Variants in MED18 observed in about 807,000 individuals in gnomAD.
MED18 encodes the protein mediator of RNA polymerase II transcription subunit 18.
MED18 carries 10 observed loss-of-function variants against 13.9 expected under a neutral mutation model. That is an observed-to-expected ratio of 0.72 (90% CI 0.44 to 1.22). The LOEUF (loss-of-function observed/expected upper bound fraction) is 1.22. MED18 is among the 50% of genes most tolerant of loss of function. The probability of loss-of-function intolerance (pLI) is 0.00; values close to 1 mark genes in which losing one functional copy is unlikely to be tolerated. For missense variants in MED18, 216 were observed against 279.0 expected (o/e 0.77, Z 1.61); for synonymous variants, 88 against 93.2 (o/e 0.94, Z 0.32).
At position 28,331,119 on chromosome 1, in the gene MED18, G is replaced by C. The variant is rs1409356214; in HGVS notation, c.73+384G>C. Among the ~76,000 whole-genome samples, 3 of 151,488 alleles carry C rather than the reference G, an allele frequency of 2.0e-5. No homozygotes were observed. In the East Asian group the frequency reaches 5.9e-4, roughly 30 times the overall value. On this transcript the variant is annotated intron_variant, in intron 2 of 2. Coordinates refer to ENST00000373842, the MANE Select transcript of MED18 (RefSeq NM_017638.3). ...TGAGGCAGGAGAATGGTGTGAACCT[G>C]GGAGGCAGAGGTTGCAGTGAGCCGA... is the stretch of plus-strand genomic sequence containing the variant.
At chr1:28,330,863 TTTAAA>T (rs1569634571) in intron 2 of MED18, 128 bp downstream of exon 2, 2 of 646,672 alleles carry the variant, frequency 3.1e-6, no homozygotes, top group African/African-American at 1.9e-5. Context: ...TAACTGTTAC[TTTAAA>T]TTATAGTTTT....
At chr1:28,330,556 C>T (rs1649685164) in intron 1 of MED18, 41 bp from the exon 2 acceptor site, 1 of 782,382 alleles carries the variant, frequency 1.3e-6, no homozygotes, top group African/African-American at 1.8e-5. Flanking sequence ...TCTGGTCTCT[C>T]TCCACCACTT....
At chr1:28,329,896 T>A (rs1005171444) in intron 1 of MED18, among the ~76,000 whole-genome samples, 3 of 152,208 alleles carry the variant, frequency 2.0e-5, no homozygotes, top group African/African-American at 4.8e-5. Context: ...GAAGGTCCCT[T>A]AAGTCACTTT....
At chr1:28,333,422 C>T (rs1176123147) in intron 2 of MED18, among the ~76,000 whole-genome samples, 2 of 152,146 alleles carry the variant, frequency 1.3e-5, no homozygotes, top group African/African-American at 4.8e-5. Context: ...AAAGTTGTGT[C>T]TCAGAGGCCA....
In MED18 at chr1:28,334,542, C is replaced by A; in HGVS notation, c.199C>A (p.Pro67Thr). Residue 67 changes from proline (P) to threonine (T), a missense_variant, in exon 3 of 3, where the codon CCA (proline) becomes ACA (threonine). Pro to Thr is a conservative substitution (Grantham distance 38). Coordinates refer to ENST00000373842, the MANE Select transcript of MED18 (RefSeq NM_017638.3). ...CCTCCTTAAGGGCCAGCAAGCCAGC[C>A]CATTTGTTCTCAGGGCCCGACGCTC... ...VFLLKGQQAS[P>T]FVLRARRSMD... 2 of 1,614,142 alleles carry A rather than the reference C, an allele frequency of 1.2e-6. No individual in the cohort carries two copies. Among genetic ancestry groups the A allele is most frequent in the Non-Finnish European group, 1.7e-6 (2 of 1,180,018 alleles).
chr1:28,330,299 A>C, intron 1 of MED18: 1 of 168,298 alleles, frequency 5.9e-6, no homozygotes, highest in Non-Finnish European at 1.3e-5. Flanking sequence ...AAAAAAAATC[A>C]CTGGCCTCAT....
chr1:28,333,628 G>A (rs1003347317), intron 2 of MED18, among the ~76,000 whole-genome samples: 1 of 152,164 alleles, frequency 6.6e-6, no homozygotes, highest in Non-Finnish European at 1.5e-5. Flanking sequence ...TTGGGAGGCT[G>A]AGGCAGGCGG....
chr1:28,333,232 C>A (rs1420528531), intron 2 of MED18, among the ~76,000 whole-genome samples: 1 of 152,098 alleles, frequency 6.6e-6, no homozygotes, highest in Admixed American at 6.6e-5. Flanking sequence ...ACGTGGGAGT[C>A]CTCAGGGCCT....
chr1:28,331,920 T>C (rs1649750061), intron 2 of MED18, among the ~76,000 whole-genome samples: 1 of 152,110 alleles, frequency 6.6e-6, no homozygotes. Flanking sequence ...TTTTTGTATT[T>C]TTAATAGAGA....
chr1:28,329,280 C>T (rs79561441), intron 1 of MED18, 100 bp downstream of exon 1: 27 of 96,046 alleles, frequency 2.8e-4, no homozygotes, highest in Admixed American at 5.1e-4. Flanking sequence ...CTCTCTCTCT[C>T]TTTTTTTTTT....
chr1:28,334,955 C>G lies in MED18; in HGVS notation c.612C>G (p.Pro204=), dbSNP rs1343634093. ...KPLVHLEKID[P]KRLM The stretch of plus-strand genomic sequence containing the variant: ...TGGTTCACCTAGAGAAAATAGACCC[C>G]AAGAGGCTCATGTGACTAAGAGGAT... Residue 204 remains proline, a synonymous_variant, in exon 3 of 3, where the codon CCC becomes CCG. Coordinates refer to ENST00000373842, the MANE Select transcript of MED18 (RefSeq NM_017638.3). 6.2e-7 allele frequency: 1 copy of G among 1,612,918 alleles called. No homozygotes were observed. Among genetic ancestry groups the G allele is most frequent in the Non-Finnish European group, 8.5e-7 (1 of 1,179,238 alleles).
At chr1:28,331,374 G>A (rs1649729083) in intron 2 of MED18, among the ~76,000 whole-genome samples, 1 of 151,858 alleles carries the variant, frequency 6.6e-6, no homozygotes, top group South Asian at 2.1e-4. Context: ...ACCCAGGCTG[G>A]AACGCAGTGG....
At chr1:28,331,027 C>G (rs970355663) in intron 2 of MED18, among the ~76,000 whole-genome samples, 2 of 151,914 alleles carry the variant, frequency 1.3e-5, no homozygotes, top group Non-Finnish European at 2.9e-5. Context: ...CCTGTCTCTA[C>G]TAAAAATACA....
At chr1:28,331,297 T>C (rs1014405044) in intron 2 of MED18, among the ~76,000 whole-genome samples, 4 of 152,116 alleles carry the variant, frequency 2.6e-5, no homozygotes, top group Non-Finnish European at 5.9e-5. Flanking sequence ...CTTTGGTTTA[T>C]TGTGAGTAGC....
At chr1:28,332,218 G>A (rs916488388) in intron 2 of MED18, among the ~76,000 whole-genome samples, 1 of 151,972 alleles carries the variant, frequency 6.6e-6, no homozygotes, top group African/African-American at 2.4e-5. Context: ...TTCAGGATTA[G>A]TCTGGACAAC....
intron 2 of MED18, 87 bp downstream of exon 2, chr1:28,330,822 C>G: frequency 9.7e-7 from 1 of 1,032,528 alleles, no homozygotes; most frequent in East Asian, 3.0e-5. Flanking sequence ...CAAAAGCAGC[C>G]TGCACAGTTT....
intron 1 of MED18, among the ~76,000 whole-genome samples, chr1:28,329,926 GT>G (rs1317021270): frequency 6.6e-6 from 1 of 152,020 alleles, no homozygotes; most frequent in African/African-American, 2.4e-5. Context: ...TCTGAATTTT[GT>G]TGCCTCTTTA....
chr1:28,334,912 C>G lies in MED18; in HGVS notation c.569C>G (p.Ala190Gly). 1.2e-6 allele frequency: 2 copies of G among 1,614,182 alleles called. No individual in the cohort carries two copies. The highest frequency in any genetic ancestry group is 1.7e-6 in the Non-Finnish European group (2 of 1,180,032). Reference protein sequence around the residue: ...DMVSDDMKNFAEQLKPLVHLE... With the variant: ...DMVSDDMKNFGEQLKPLVHLE... ...GTCTCTGATGACATGAAGAACTTCG[C>G]AGAACAGCTAAAACCTCTGGTTCAC... The change falls in exon 3 of 3, where the codon GCA becomes GGA. Residue 190 changes from alanine to glycine, a missense_variant. Physicochemically the swap from Ala to Gly is moderately conservative, Grantham distance 60 (BLOSUM62 0). Coordinates refer to ENST00000373842, the MANE Select transcript of MED18 (RefSeq NM_017638.3).
rs143128541 is a variant in MED18 at position 28,334,805 on chromosome 1, A to T, written c.462A>T (p.Pro154=). 6.2e-7 allele frequency: 1 copy of T among 1,614,202 alleles called. No homozygotes were observed. The highest frequency in any genetic ancestry group is 8.5e-7 in the Non-Finnish European group (1 of 1,180,038). ...ACAAGATTTTCCGCATCCTGGTGCC[A>T]GGGAACACAGACAGCACTGAGGCCT... ...MVYKIFRILV[P]GNTDSTEALS... Residue 154 remains proline, a synonymous_variant, in exon 3 of 3, where the codon CCA becomes CCT. Coordinates refer to ENST00000373842, the MANE Select transcript of MED18 (RefSeq NM_017638.3).
Sources: allele counts gnomAD v4.1 joint callset (sites outside exome capture counted in the v4.1 genomes callset), GRCh38; gene constraint gnomAD v4.1.1; transcripts MANE v1.5; gene names NCBI Gene and HGNC (gene_info 2026-07-23, HGNC 2026-07-21).